USH2A: variants seen among roughly 807,000 people sequenced by gnomAD.
USH2A encodes usherin.
USH2A carries 443 observed loss-of-function variants against 538.9 expected under a neutral mutation model. That is an observed-to-expected ratio of 0.82 (90% CI 0.76 to 0.89). The LOEUF is 0.89. Ranked by LOEUF, USH2A falls within the 40% of genes least tolerant of loss-of-function variation. USH2A has a pLI of 0.00. For synonymous variants in USH2A, 2,413 were observed against 2,273.5 expected (o/e 1.06, Z -1.75); for missense variants, 6,633 against 6,324.8 (o/e 1.05, Z -1.65).
chr1:215,682,640 C>T (rs1425046121), intron 61 of USH2A, among the ~76,000 whole-genome samples: 1 of 151,936 alleles, frequency 6.6e-6, no homozygotes. Context: ...AGAAATATGG[C>T]CTGTAGGTTG....
intron 21 of USH2A, among the ~76,000 whole-genome samples, chr1:216,131,679 T>G (rs17026145): frequency 0.053 from 8,058 of 152,194 alleles, 332 homozygotes; most frequent in East Asian, 0.18. Context: ...TTCATCTTGA[T>G]GTATTCATTC....
intron 50 of USH2A, 53 bp downstream of exon 50, chr1:215,798,854 C>G (rs1662215362): frequency 6.2e-7 from 1 of 1,606,490 alleles, no homozygotes; most frequent in Non-Finnish European, 8.5e-7. Context: ...ATTTCTCACT[C>G]TCTCTGCTTC....
chr1:216,165,494 G>T (rs1424042164), intron 21 of USH2A, among the ~76,000 whole-genome samples: 1 of 152,098 alleles, frequency 6.6e-6, no homozygotes, highest in East Asian at 1.9e-4. Flanking sequence ...AGTTTAAAAT[G>T]TATTTTCTTA....
intron 61 of USH2A, among the ~76,000 whole-genome samples, chr1:215,723,176 T>G (rs1170295174): frequency 6.6e-6 from 1 of 152,124 alleles, no homozygotes; most frequent in Non-Finnish European, 1.5e-5. Flanking sequence ...TCTTTCTTCC[T>G]TAGAAAGACC....
At chr1:216,121,914 A>T (rs753282648) in intron 21 of USH2A, among the ~76,000 whole-genome samples, 1 of 152,224 alleles carries the variant, frequency 6.6e-6, no homozygotes, top group Admixed American at 6.5e-5. Flanking sequence ...GTTGTTCAAT[A>T]TTGAACATAA....
intron 67 of USH2A, among the ~76,000 whole-genome samples, chr1:215,645,844 AAATTT>A (rs1212521631): frequency 2.0e-5 from 3 of 152,304 alleles, no homozygotes; most frequent in Admixed American, 6.5e-5. Flanking sequence ...CTATTTGTCA[AAATTT>A]AATTTAAGAA....
chr1:215,758,797 G>C, intron 57 of USH2A, 45 bp from the exon 58 acceptor site: 1 of 1,592,258 alleles, frequency 6.3e-7, no homozygotes, highest in Non-Finnish European at 8.6e-7. Flanking sequence ...CCATGCACAA[G>C]AGACTTGAAC....
At chr1:215,747,271 A>G (rs976907108) in intron 58 of USH2A, among the ~76,000 whole-genome samples, 3 of 152,210 alleles carry the variant, frequency 2.0e-5, no homozygotes, top group African/African-American at 7.2e-5. Flanking sequence ...GGTAATAAAG[A>G]GTTCTATACT....
intron 14 of USH2A, among the ~76,000 whole-genome samples, chr1:216,223,310 A>G (rs766920294): frequency 1.3e-5 from 2 of 152,182 alleles, no homozygotes; most frequent in Non-Finnish European, 2.9e-5. Context: ...CTAATATATA[A>G]AAACTGATAC....
At chr1:216,304,459 T>G (rs1420057072) in intron 9 of USH2A, among the ~76,000 whole-genome samples, 2 of 151,984 alleles carry the variant, frequency 1.3e-5, no homozygotes, top group African/African-American at 4.8e-5. Flanking sequence ...AGCACTAATT[T>G]CTTTTTTTTT....
In USH2A at chr1:215,623,186, A is replaced by C. The variant is rs1655860538; in HGVS notation, c.*2595T>G. On this transcript the variant is annotated 3_prime_UTR_variant, in exon 72 of 72. Coordinates refer to ENST00000307340, the MANE Select transcript of USH2A (RefSeq NM_206933.4). ...CAACTGTACTCTTACCAAACAGTTG[A>C]TATTAAGAATAACAAAACATGGTAG... 1 of 152,140 alleles carries C rather than the reference A, an allele frequency of 6.6e-6. No homozygotes were observed. The highest frequency in any genetic ancestry group is 1.5e-5 in the Non-Finnish European group (1 of 68,008). The allele number at this position is 152,140 out of a possible 1,614,324, so 9.4% of individuals were successfully genotyped here.
chr1:216,390,373 A>C lies in USH2A; in HGVS notation c.652-25288T>G, dbSNP rs192431219. ...AAATTTCCCACCCAGCATCTTAAAA[A>C]TTGAACATAACTGAAAAGTTGACAA... On this transcript the variant is annotated intron_variant, in intron 3 of 71. Coordinates refer to ENST00000307340, the MANE Select transcript of USH2A (RefSeq NM_206933.4). Among the ~76,000 whole-genome samples, 212 of 152,324 alleles carry C rather than the reference A, an allele frequency of 1.4e-3. 1 individual carries two copies. Among genetic ancestry groups the C allele is most frequent in the African/African-American group, 4.7e-3 (195 of 41,596 alleles).
At chr1:215,639,020 G>T in intron 69 of USH2A, 135 bp downstream of exon 69, 1 of 842,788 alleles carries the variant, frequency 1.2e-6, no homozygotes, top group Non-Finnish European at 1.9e-6. Context: ...AAAAAACTCT[G>T]ACAACACTTG....
At position 215,900,853 on chromosome 1, in the gene USH2A, A is replaced by C. The variant is rs200127155; in HGVS notation, c.7353T>G (p.Leu2451=). The part of the protein sequence containing the change: ...PRLSSATPTS[L]QVVWSTPARN... ...GAGCTGGTGTAGACCAGACAACCTG[A>C]AGACTGGTTGGAGTGGCAGATGAAA... Residue 2451 remains leucine, a synonymous_variant, in exon 39 of 72, where the codon CTT becomes CTG. Coordinates refer to ENST00000307340, the MANE Select transcript of USH2A (RefSeq NM_206933.4). 6.2e-7 allele frequency: 1 copy of C among 1,613,780 alleles called. No homozygotes were observed. Among genetic ancestry groups the C allele is most frequent in the East Asian group, 2.2e-5 (1 of 44,878 alleles).
At chr1:216,328,613 A>G (rs1360471207) in intron 4 of USH2A, among the ~76,000 whole-genome samples, 1 of 152,092 alleles carries the variant, frequency 6.6e-6, no homozygotes, top group Non-Finnish European at 1.5e-5. Context: ...AGAGTTTTAA[A>G]GAATGTTTGA....
chr1:215,925,481 G>T (rs1666214895), intron 38 of USH2A, among the ~76,000 whole-genome samples: 1 of 152,146 alleles, frequency 6.6e-6, no homozygotes. Flanking sequence ...TGAACTGGAT[G>T]TAATATAAAT....
At chr1:215,917,279 C>A (rs527627766) in intron 38 of USH2A, among the ~76,000 whole-genome samples, 12 of 152,068 alleles carry the variant, frequency 7.9e-5, no homozygotes, top group Non-Finnish European at 1.8e-4. Flanking sequence ...CATTTCTTAG[C>A]ATTCCTATTA....
At chr1:215,721,046 G>T (rs1339759398) in intron 61 of USH2A, among the ~76,000 whole-genome samples, 1 of 151,990 alleles carries the variant, frequency 6.6e-6, no homozygotes, top group African/African-American at 2.4e-5. Flanking sequence ...GCACATATCA[G>T]GTTTTAATTT....
intron 21 of USH2A, among the ~76,000 whole-genome samples, chr1:216,137,097 G>C (rs2033500550): frequency 6.6e-6 from 1 of 152,146 alleles, no homozygotes; most frequent in Non-Finnish European, 1.5e-5. Context: ...CTAAAATGCT[G>C]AAAGACTGAC....
Sources: allele counts gnomAD v4.1 joint callset (sites outside exome capture counted in the v4.1 genomes callset), GRCh38; gene constraint gnomAD v4.1.1; transcripts MANE v1.5; gene names NCBI Gene and HGNC (gene_info 2026-07-23, HGNC 2026-07-21).